The following TAOK2 variants were observed in gnomAD, a reference collection of about 807,000 sequenced individuals.
The protein encoded by TAOK2 is serine/threonine-protein kinase TAO2.
In TAOK2, 42 loss-of-function variants were observed where a neutral mutation model predicts 122.5. The observed-to-expected ratio is 0.34, with a 90% CI of 0.27 to 0.44. TAOK2 has a LOEUF of 0.44. Among genes scored for constraint, TAOK2 ranks in the 20% least tolerant of loss-of-function variants. The pLI, the probability that TAOK2 is intolerant of heterozygous loss-of-function variation, is 1.00. For synonymous variants in TAOK2, 704 were observed against 677.6 expected (o/e 1.04, Z -0.61); for missense variants, 1,264 against 1,644.9 (o/e 0.77, Z 4.01).
intron 2 of TAOK2, 26 bp from the exon 3 acceptor site, chr16:29,978,063 C>T (rs199836005): frequency 6.2e-7 from 1 of 1,613,918 alleles, no homozygotes; most frequent in East Asian, 2.2e-5. Flanking sequence ...ATGGGGCCTT[C>T]AACACCTTCT....
chr16:29,986,966 C>T lies in TAOK2; in HGVS notation c.2694C>T (p.Val898=). The T allele has an allele frequency of 6.2e-7, 1 of 1,613,730 alleles. No homozygotes were observed. Among genetic ancestry groups the T allele is most frequent in the Non-Finnish European group, 8.5e-7 (1 of 1,179,782 alleles). ...TCCAGGGCCCAGCACTGACTCCCGT[C>T]CCTGAGGAGGAGGAAGAAGAGGAAG... The part of the protein sequence containing the change: ...GWVQGPALTP[V]PEEEEEEEEG... The change falls in exon 16 of 16, where the codon GTC becomes GTT. Residue 898 remains valine (V), a synonymous_variant. Coordinates refer to ENST00000308893, the MANE Select transcript of TAOK2 (RefSeq NM_016151.4). This position sits in a 1 kb window ranked among gnomAD's most constrained non-coding sequence, Gnocchi z 4.2.
rs1233070806 is a variant in TAOK2, at chr16:29,987,959, G to T, written c.3687G>T (p.Arg1229=). ...GGAGGTCACGCACCCGCCAGTCCCGGGCCCTGCCCCCCTGGAGGTAGCTGA... is the reference window on the plus strand; with the variant it reads ...GGAGGTCACGCACCCGCCAGTCCCGTGCCCTGCCCCCCTGGAGGTAGCTGA... ...AGRRSRTRQS[R]ALPPWR The change falls in exon 16 of 16, where the codon CGG becomes CGT. Residue 1229 remains arginine (R), a synonymous_variant. Coordinates refer to ENST00000308893, the MANE Select transcript of TAOK2 (RefSeq NM_016151.4). The T allele has an allele frequency of 5.2e-6, 8 of 1,541,074 alleles. No individual in the cohort carries two copies. The highest frequency in any genetic ancestry group is 6.1e-6 in the Non-Finnish European group (7 of 1,148,946).
chr16:29,990,849 G>A (rs1421512485), downstream of TAOK2: 6 of 1,613,448 alleles, frequency 3.7e-6, no homozygotes, highest in Non-Finnish European at 5.1e-6. Flanking sequence ...AACAGGAGCT[G>A]GAGCTGCTCA....
downstream of TAOK2, chr16:29,989,021 T>G (rs937784586): frequency 1.7e-5 from 17 of 985,252 alleles, no homozygotes; most frequent in Non-Finnish European, 2.0e-5. Flanking sequence ...CTTACCCATT[T>G]CTCAGCTCGG....
At position 29,983,070 on chromosome 16, in the gene TAOK2, A is replaced by G. The variant is rs1283543483; in HGVS notation, c.1000-2A>G. 1 of 1,613,708 alleles carries G rather than the reference A, an allele frequency of 6.2e-7. No individual in the cohort carries two copies. Among genetic ancestry groups the G allele is most frequent in the Non-Finnish European group, 8.5e-7 (1 of 1,179,980 alleles). On this transcript the variant is annotated splice_acceptor_variant, in intron 11 of 15. Coordinates refer to ENST00000308893, the MANE Select transcript of TAOK2 (RefSeq NM_016151.4). LOFTEE classifies it high-confidence loss of function. ...GTCCAGCAGCCTACGCCCTGTTCGC[A>G]GGAGGCCGAGCCCTACATGCACCGG...
rs1321003401 is a variant in TAOK2, at chr16:29,983,505, C to T, written c.1263C>T (p.Gly421=). 2 of 1,607,688 alleles carry T rather than the reference C, an allele frequency of 1.2e-6. No homozygotes were observed. The highest frequency in any genetic ancestry group is 2.2e-5 in the East Asian group (1 of 44,700). Reference sequence around the variant, plus strand: ...GTGTTCCTTCTATCTCCCTCTAGGGCTCTGACAACCTATATGATGACCCCT... The same window carrying T: ...GTGTTCCTTCTATCTCCCTCTAGGGTTCTGACAACCTATATGATGACCCCT... ...SHSSIIHRLP[G]SDNLYDDPYQ... Residue 421 remains glycine, a splice_region_variant and synonymous_variant, in exon 13 of 16, where the codon GGC becomes GGT. Transcript: ENST00000308893.
Position 29,979,555 on chromosome 16 carries a change from TGTTA to T in TAOK2, c.655+51_655+54del, listed in dbSNP as rs2069556400. 1 of 1,415,750 alleles carries T rather than the reference TGTTA, an allele frequency of 7.1e-7. No individual in the cohort carries two copies. Among genetic ancestry groups the T allele is most frequent in the African/African-American group, 1.4e-5 (1 of 69,258 alleles). 87.7% of individuals were successfully genotyped at this position (1,415,750 alleles called of 1,614,324 possible). On this transcript the variant is annotated intron_variant, in intron 8 of 15. Coordinates refer to ENST00000308893, the MANE Select transcript of TAOK2 (RefSeq NM_016151.4). This position sits in a 1 kb window ranked among gnomAD's most constrained non-coding sequence, Gnocchi z 4.1. Reference sequence around the variant, plus strand: ...CCTCATCATCTTTTCCATTCTTTCCTGTTAGTTCCCAGACTCCGGACTACCCCCT... The same window carrying T: ...CCTCATCATCTTTTCCATTCTTTCCTGTTCCCAGACTCCGGACTACCCCCT...
Position 29,986,106 on chromosome 16 carries a change from C to T in TAOK2, c.1993-159C>T, listed in dbSNP as rs1284415483. Among the ~76,000 whole-genome samples the T allele has an allele frequency of 6.6e-6, 1 of 152,162 alleles. No homozygotes were observed. Among genetic ancestry groups the T allele is most frequent in the East Asian group, 1.9e-4 (1 of 5,182 alleles). ...CCTCATCTCCTGCCATCCCCAGCTC[C>T]CTCTGCCAAGGAGCCCTGGCCCCTC... On this transcript the variant is annotated intron_variant, in intron 15 of 15. Transcript: ENST00000308893. This position sits in a 1 kb window ranked among gnomAD's most constrained non-coding sequence, Gnocchi z 4.2.
chr16:29,986,164 G>A lies in TAOK2; in HGVS notation c.1993-101G>A, dbSNP rs2069783618. ...TGATACTGACCAGGCCCTGGGCCCT[G>A]TGTTTCTTCCGCCATCCCCAGCTCC... On this transcript the variant is annotated intron_variant, in intron 15 of 15. Coordinates refer to ENST00000308893, the MANE Select transcript of TAOK2 (RefSeq NM_016151.4). This position sits in a 1 kb window ranked among gnomAD's most constrained non-coding sequence, Gnocchi z 4.2. 1 of 1,475,460 alleles carries A rather than the reference G, an allele frequency of 6.8e-7. No homozygotes were observed. Among genetic ancestry groups the A allele is most frequent in the Admixed American group, 2.4e-5 (1 of 41,368 alleles). The allele number at this position is 1,475,460 out of a possible 1,614,324, so 91.4% of individuals were successfully genotyped here.
intron 8 of TAOK2, chr16:29,980,604 C>T (rs1167950361): frequency 6.6e-6 from 1 of 152,128 alleles, no homozygotes; most frequent in Non-Finnish European, 1.5e-5. Context: ...GTCCTCTGCC[C>T]GAGGTCAGAG....
chr16:29,983,710 A>G (rs2069694772), intron 13 of TAOK2, 46 bp downstream of exon 13: 1 of 1,564,416 alleles, frequency 6.4e-7, no homozygotes, highest in Non-Finnish European at 8.7e-7. Flanking sequence ...TCTGTTTTTT[A>G]AGTCTTTTTA....
rs141012429 is a variant in TAOK2, at chr16:29,982,749, C to T, written c.847C>T (p.Arg283Trp). The T allele has an allele frequency of 7.4e-6, 12 of 1,613,494 alleles. No homozygotes were observed. Among genetic ancestry groups the T allele is most frequent in the East Asian group, 6.7e-5 (3 of 44,884 alleles). ...CTTCCCCCAGCACCGCTTTGTGCTCCGGGAGCGGCCACCCACAGTCATCAT... is the reference window on the plus strand; with the variant it reads ...CTTCCCCCAGCACCGCTTTGTGCTCTGGGAGCGGCCACCCACAGTCATCAT... ...EVLLKHRFVL[R>W]ERPPTVIMDL... The change falls in exon 11 of 16, where the codon CGG becomes TGG. Residue 283 changes from arginine to tryptophan, a missense_variant. Around this residue, in one of 4 missense-constraint regions of TAOK2, gnomAD observed 254 missense variants for 503.8 expected, o/e 0.50. Transcript: ENST00000308893.
In TAOK2 at chr16:29,979,889, GT is replaced by G. The variant is rs889533015; in HGVS notation, c.655+383del. On this transcript the variant is annotated intron_variant, in intron 8 of 15. Transcript: ENST00000308893. The surrounding 1 kb of genome is among the most constrained non-coding windows in gnomAD (Gnocchi z 4.1). Reference sequence around the variant, plus strand: ...AATGTGATGAACGCTGTGTGGAGAAGTTACAGGAGCGGTTCAAATGTAAAAC... The same window carrying G: ...AATGTGATGAACGCTGTGTGGAGAAGTACAGGAGCGGTTCAAATGTAAAAC... 5.3e-5 allele frequency among the ~76,000 whole-genome samples: 8 copies of G among 152,324 alleles called. No individual in the cohort carries two copies. The highest frequency in any genetic ancestry group is 1.9e-4 in the African/African-American group (8 of 41,572).
chr16:29,982,157 T>C (rs987722798), intron 10 of TAOK2, among the ~76,000 whole-genome samples: 1 of 152,240 alleles, frequency 6.6e-6, no homozygotes, highest in African/African-American at 2.4e-5. Context: ...TCCCTTCTTT[T>C]ATTAATCAAA....
Position 29,979,130 on chromosome 16 carries a change from G to A in TAOK2, c.449+60G>A. 6.2e-7 allele frequency: 1 copy of A among 1,613,234 alleles called. No homozygotes were observed. The highest frequency in any genetic ancestry group is 8.5e-7 in the Non-Finnish European group (1 of 1,179,212). ...TGCTATCTGCACCACCTGTCACTTA[G>A]CTGGGCTGCCCCTGCCTAGCTTTCT... On this transcript the variant is annotated intron_variant, in intron 6 of 15. Coordinates refer to ENST00000308893, the MANE Select transcript of TAOK2 (RefSeq NM_016151.4). The surrounding 1 kb of genome is among the most constrained non-coding windows in gnomAD (Gnocchi z 4.1).
rs757491664 is a variant in TAOK2 at position 29,983,152 on chromosome 16, C to T, written c.1080C>T (p.Ser360=). The T allele has an allele frequency of 9.3e-6, 15 of 1,613,970 alleles. No individual in the cohort carries two copies. The highest frequency in any genetic ancestry group is 6.7e-5 in the African/African-American group (5 of 74,888). The change falls in exon 12 of 16, where the codon AGC becomes AGT. Residue 360 remains serine, a synonymous_variant. Coordinates refer to ENST00000308893, the MANE Select transcript of TAOK2 (RefSeq NM_016151.4). ...ACTCAGTGCCCAGCATGTCCATCAGCGCCTCCAGCCAGAGCAGCTCCGTCA... is the reference window on the plus strand; with the variant it reads ...ACTCAGTGCCCAGCATGTCCATCAGTGCCTCCAGCCAGAGCAGCTCCGTCA... ...SSHSVPSMSI[S]ASSQSSSVNS...
chr16:29,985,869 TC>T lies in TAOK2; in HGVS notation c.1992+11del. 1 of 1,610,702 alleles carries T rather than the reference TC, an allele frequency of 6.2e-7. No individual in the cohort carries two copies. The highest frequency in any genetic ancestry group is 2.2e-5 in the East Asian group (1 of 44,850). On this transcript the variant is annotated intron_variant, in intron 15 of 15. Coordinates refer to ENST00000308893, the MANE Select transcript of TAOK2 (RefSeq NM_016151.4). The surrounding 1 kb of genome is among the most constrained non-coding windows in gnomAD (Gnocchi z 6.9). ...CAGGACCTGCTGCGGGAGGTAGGCA[TC>T]CCAATCTCTGTTCCCCTCCCGCTCA...
At chr16:29,981,521 C>G (rs777137028) in intron 8 of TAOK2, 140 bp from the exon 9 acceptor site, 2 of 761,050 alleles carry the variant, frequency 2.6e-6, no homozygotes, top group African/African-American at 3.4e-5. Context: ...TGAGACGCAA[C>G]AGGATGATGG....
rs759054733 is a variant in TAOK2, at chr16:29,987,256, G to T, written c.2984G>T (p.Gly995Val). Residue 995 changes from glycine to valine, a missense_variant, in exon 16 of 16, where the codon GGG becomes GTG. This residue lies in a region of TAOK2 where 824 missense variants were observed against 908.7 expected (regional missense o/e 0.91). Coordinates refer to ENST00000308893, the MANE Select transcript of TAOK2 (RefSeq NM_016151.4). ...GCAGCGCTGCTGGCCCTTGAGGTGG[G>T]GCTGGTGGGTCTGGGGGCCTCCTAC... The part of the protein sequence containing the change: ...LQAALLALEV[G>V]LVGLGASYLL... 1 of 1,530,680 alleles carries T rather than the reference G, an allele frequency of 6.5e-7. No individual in the cohort carries two copies. The highest frequency in any genetic ancestry group is 8.7e-7 in the Non-Finnish European group (1 of 1,143,998). The allele number at this position is 1,530,680 out of a possible 1,614,324, so 94.8% of individuals were successfully genotyped here.
Sources: gnomAD v4.1 joint callset for allele counts (sites outside exome capture counted in the v4.1 genomes callset) on GRCh38, gnomAD v4.1.1 for gene constraint, gnomAD v4.1.1 regional missense constraint, Gnocchi (gnomAD v3.1) non-coding constraint, MANE v1.5 for transcripts, NCBI Gene and HGNC (gene_info 2026-07-23, HGNC 2026-07-21) for gene names.